CSMD1: variants seen among roughly 807,000 people sequenced by gnomAD.
The protein encoded by CSMD1 is CUB and sushi domain-containing protein 1.
A neutral mutation model predicts 417.5 loss-of-function variants in CSMD1; 213 were observed. The observed-to-expected ratio is 0.51, with a 90% CI of 0.46 to 0.57. CSMD1 has a LOEUF of 0.57. Ranked by LOEUF, CSMD1 falls within the 20% of genes least tolerant of loss-of-function variation. CSMD1 has a pLI of 0.00. For synonymous variants in CSMD1, 2,862 were observed against 1,736.8 expected (o/e 1.65, Z -16.11); for missense variants, 6,923 against 4,529.7 (o/e 1.53, Z -15.17).
At position 3,509,000 on chromosome 8, in the gene CSMD1, T is replaced by C. The variant is rs554071363; in HGVS notation, c.1345-15274A>G. Among the ~76,000 whole-genome samples, 5 of 152,314 alleles carry C rather than the reference T, an allele frequency of 3.3e-5. No homozygotes were observed. In the South Asian group the frequency reaches 1.0e-3, roughly 32 times the overall value. On this transcript the variant is annotated intron_variant, in intron 10 of 69. Transcript: ENST00000635120. ...TTAAGTGAGAATATCTCAGTGCAAA[T>C]CCCAGCTTTGTCTCTTGCAAGCTAT... is the stretch of plus-strand genomic sequence containing the variant.
At chr8:4,549,411 G>C (rs1797769669) in intron 2 of CSMD1, among the ~76,000 whole-genome samples, 3 of 152,106 alleles carry the variant, frequency 2.0e-5, no homozygotes, top group Non-Finnish European at 2.9e-5. Flanking sequence ...TTTTCTAATT[G>C]TGATTTATTT....
At chr8:4,897,760 T>C (rs1001762961) in intron 1 of CSMD1, among the ~76,000 whole-genome samples, 2 of 152,132 alleles carry the variant, frequency 1.3e-5, no homozygotes, top group African/African-American at 4.8e-5. Flanking sequence ...TACTGCATTA[T>C]GTTATTTTAA....
rs576990562 is a variant in CSMD1 at position 3,787,061 on chromosome 8, G to C, written c.819-33019C>G. ...ATGTGTGAAGTGTCATATTTATTCT[G>C]AGTTTAGAGTGTGTTTACAGAGGGT... is the stretch of plus-strand genomic sequence containing the variant. On this transcript the variant is annotated intron_variant, in intron 5 of 69. Coordinates refer to ENST00000635120, the MANE Select transcript of CSMD1 (RefSeq NM_033225.6). Among the ~76,000 whole-genome samples the C allele has an allele frequency of 1.2e-4, 18 of 152,256 alleles. No individual in the cohort carries two copies. In the South Asian group the frequency reaches 3.7e-3, roughly 32 times the overall value.
Position 4,333,747 on chromosome 8 carries a change from C to T in CSMD1, c.415+86206G>A, listed in dbSNP as rs553607428. ...CAATGACAGATTCCAAGATCTAGTC[C>T]GCTGCCTGCCACGGGTAGGTAGCCT... On this transcript the variant is annotated intron_variant, in intron 3 of 69. Coordinates refer to ENST00000635120, the MANE Select transcript of CSMD1 (RefSeq NM_033225.6). Among the ~76,000 whole-genome samples the T allele has an allele frequency of 5.9e-5, 9 of 152,132 alleles. No individual in the cohort carries two copies. In the East Asian group the frequency reaches 7.8e-4, roughly 13 times the overall value.
rs1001898368 is a variant in CSMD1 at position 3,863,894 on chromosome 8, T to C, written c.819-109852A>G. ...GTTTCAAAGATTCGTATGATGACTA[T>C]AAAACTGACACGTATCCTTTAGAAG... is the stretch of plus-strand genomic sequence containing the variant. On this transcript the variant is annotated intron_variant, in intron 5 of 69. Transcript: ENST00000635120. 2.0e-5 allele frequency among the ~76,000 whole-genome samples: 3 copies of C among 152,310 alleles called. No individual in the cohort carries two copies. The East Asian group carries it at 5.8e-4, about 29-fold the overall frequency.
intron 5 of CSMD1, among the ~76,000 whole-genome samples, chr8:3,978,596 G>A (rs969742498): frequency 6.6e-6 from 1 of 152,128 alleles, no homozygotes; most frequent in Non-Finnish European, 1.5e-5. Context: ...ATTGAGGCAT[G>A]TTGGGGGTAA....
chr8:4,041,446 T>G (rs1447171594), intron 3 of CSMD1, among the ~76,000 whole-genome samples: 1 of 152,194 alleles, frequency 6.6e-6, no homozygotes, highest in Non-Finnish European at 1.5e-5. Context: ...TGCCTCAACC[T>G]ACATCCAGCC....
At chr8:3,378,946 G>T (rs770348413) in intron 18 of CSMD1, among the ~76,000 whole-genome samples, 1 of 152,222 alleles carries the variant, frequency 6.6e-6, no homozygotes. Context: ...AGGAAGAGAT[G>T]AAGTCAAATT....
At chr8:4,435,684 C>G (rs955731575) in intron 2 of CSMD1, among the ~76,000 whole-genome samples, 9 of 152,194 alleles carry the variant, frequency 5.9e-5, no homozygotes, top group African/African-American at 2.2e-4. Flanking sequence ...CGAGTTGTTA[C>G]TGACAAGTGG....
intron 13 of CSMD1, among the ~76,000 whole-genome samples, 160 bp downstream of exon 13, chr8:3,409,263 G>C (rs183734605): frequency 3.9e-5 from 6 of 152,340 alleles, no homozygotes; most frequent in Non-Finnish European, 8.8e-5. Flanking sequence ...CAGGCAAGTT[G>C]GTGTTCGAGA....
intron 5 of CSMD1, among the ~76,000 whole-genome samples, chr8:3,891,303 A>C (rs1679549075): frequency 6.6e-6 from 1 of 151,830 alleles, no homozygotes; most frequent in African/African-American, 2.4e-5. Flanking sequence ...ACCTGCCTCA[A>C]CCTCCCAAAG....
chr8:4,180,139 G>A (rs568759449), intron 3 of CSMD1, among the ~76,000 whole-genome samples: 3 of 152,102 alleles, frequency 2.0e-5, no homozygotes, highest in Non-Finnish European at 2.9e-5. Context: ...TATGTTTACT[G>A]CGGCACTATT....
At chr8:3,428,500 A>G (rs62505577) in intron 12 of CSMD1, among the ~76,000 whole-genome samples, 15,911 of 152,242 alleles carry the variant, frequency 0.1, 940 homozygotes, top group African/African-American at 0.14. Context: ...ATTCAAATAA[A>G]AATGATGGGG....
At position 4,631,326 on chromosome 8, in the gene CSMD1, C is replaced by A. The variant is rs569031526; in HGVS notation, c.302+6016G>T. Reference sequence around the variant, plus strand: ...GCAGTGAGCTGAGATCCTGCCACCACGCTCCAGCCTGGGAGACAGGGCAAG... The same window carrying A: ...GCAGTGAGCTGAGATCCTGCCACCAAGCTCCAGCCTGGGAGACAGGGCAAG... On this transcript the variant is annotated intron_variant, in intron 2 of 69. Transcript: ENST00000635120. Among the ~76,000 whole-genome samples, 7 of 151,772 alleles carry A rather than the reference C, an allele frequency of 4.6e-5. No homozygotes were observed. The East Asian group carries it at 1.4e-3, about 29-fold the overall frequency.
At chr8:4,294,969 T>C (rs1797578779) in intron 3 of CSMD1, among the ~76,000 whole-genome samples, 1 of 151,052 alleles carries the variant, frequency 6.6e-6, no homozygotes, top group South Asian at 2.1e-4. Flanking sequence ...GATATTTTTC[T>C]TATATTTTGC....
At chr8:4,539,145 A>AT (rs1196716754) in intron 2 of CSMD1, among the ~76,000 whole-genome samples, 13 of 152,202 alleles carry the variant, frequency 8.5e-5, no homozygotes, top group South Asian at 2.1e-4. Context: ...CTAAAAATGG[A>AT]TTTTTTTGTG....
chr8:3,293,410 C>T (rs770892549), intron 25 of CSMD1, among the ~76,000 whole-genome samples: 6 of 152,192 alleles, frequency 3.9e-5, no homozygotes, highest in African/African-American at 7.2e-5. Flanking sequence ...GGTTAATATC[C>T]TGCAGAGTGT....
At chr8:3,661,395 G>A (rs557828876) in intron 7 of CSMD1, among the ~76,000 whole-genome samples, 4 of 152,164 alleles carry the variant, frequency 2.6e-5, no homozygotes, top group African/African-American at 9.6e-5. Context: ...CTTTTTTTGT[G>A]TATAAATCTT....
At chr8:4,599,344 A>T (rs1270707900) in intron 2 of CSMD1, among the ~76,000 whole-genome samples, 1 of 152,090 alleles carries the variant, frequency 6.6e-6, no homozygotes, top group Non-Finnish European at 1.5e-5. Flanking sequence ...ACCCCAGAAT[A>T]GCATGGTCAC....
Sources: allele counts gnomAD v4.1 joint callset (sites outside exome capture counted in the v4.1 genomes callset), GRCh38; gene constraint gnomAD v4.1.1; transcripts MANE v1.5; gene names NCBI Gene and HGNC (gene_info 2026-07-23, HGNC 2026-07-21).